The following FSTL4 variants were observed in gnomAD, a reference collection of about 807,000 sequenced individuals.
FSTL4 encodes the protein follistatin like 4.
In FSTL4, 28 loss-of-function variants were observed where a neutral mutation model predicts 78.2. The observed-to-expected ratio is 0.36, with a 90% CI of 0.27 to 0.49. The LOEUF (loss-of-function observed/expected upper bound fraction) is 0.49. Among genes scored for constraint, FSTL4 ranks in the 20% least tolerant of loss-of-function variants. The pLI is 0.98. For synonymous variants in FSTL4, 422 were observed against 440.5 expected, an observed-to-expected ratio of 0.96 and a Z score of 0.53; for missense variants, 922 against 1,084.9, an observed-to-expected ratio of 0.85 and a Z score of 2.11.
intron 6 of FSTL4, among the ~76,000 whole-genome samples, chr5:133,289,953 G>A (rs964037215): frequency 6.6e-6 from 1 of 152,216 alleles, no homozygotes; most frequent in African/African-American, 2.4e-5. Flanking sequence ...GTATTCAAAT[G>A]GGCAAAATAA....
chr5:133,325,468 T>C (rs1754187026), intron 4 of FSTL4, among the ~76,000 whole-genome samples: 1 of 151,962 alleles, frequency 6.6e-6, no homozygotes, highest in African/African-American at 2.4e-5. Flanking sequence ...ATATCCAAAA[T>C]GTACTGGAGA....
intron 2 of FSTL4, among the ~76,000 whole-genome samples, chr5:133,569,225 C>T (rs548776155): frequency 6.6e-6 from 1 of 152,256 alleles, no homozygotes; most frequent in Admixed American, 6.5e-5. Context: ...ATTATCTTAT[C>T]TCTTCTTTCC....
chr5:133,496,954 T>C (rs2562369), intron 3 of FSTL4, among the ~76,000 whole-genome samples: 45,105 of 152,054 alleles, frequency 0.3, 6,722 homozygotes, highest in East Asian at 0.39. Context: ...TAGCCAGCCC[T>C]ACCCCAATCC....
intron 4 of FSTL4, among the ~76,000 whole-genome samples, chr5:133,389,826 G>A (rs1030916371): frequency 6.6e-6 from 1 of 152,104 alleles, no homozygotes; most frequent in Non-Finnish European, 1.5e-5. Context: ...AAATACCTTG[G>A]GTTTATTATA....
At chr5:133,263,538 G>A (rs60878908) in intron 6 of FSTL4, among the ~76,000 whole-genome samples, 20,113 of 152,128 alleles carry the variant, frequency 0.13, 4,088 homozygotes, top group African/African-American at 0.44. Context: ...AGATTTGACT[G>A]TGGGCTTGGC....
At chr5:133,469,716 T>C (rs753656605) in intron 3 of FSTL4, among the ~76,000 whole-genome samples, 11 of 152,132 alleles carry the variant, frequency 7.2e-5, no homozygotes, top group Non-Finnish European at 1.0e-4. Flanking sequence ...GTAAAGATAG[T>C]GGAAGAGGCA....
chr5:133,239,486 A>T (rs1751768382), intron 7 of FSTL4, among the ~76,000 whole-genome samples: 1 of 152,238 alleles, frequency 6.6e-6, no homozygotes, highest in African/African-American at 2.4e-5. Context: ...TACACCAATC[A>T]GCACTCTGTC....
the FSTL4 span, among the ~76,000 whole-genome samples, chr5:133,650,806 T>G: frequency 2.9e-4 from 44 of 152,308 alleles, no homozygotes; most frequent in Admixed American, 2.6e-3. Context: ...GAGATCAGTT[T>G]GTCAATATCC....
At chr5:133,428,846 T>G (rs1054619242) in intron 3 of FSTL4, among the ~76,000 whole-genome samples, 1 of 152,194 alleles carries the variant, frequency 6.6e-6, no homozygotes, top group African/African-American at 2.4e-5. Flanking sequence ...CATGCAATGC[T>G]TCATTGTTAA....
chr5:133,386,731 A>C (rs918897034), intron 4 of FSTL4, among the ~76,000 whole-genome samples: 1 of 152,212 alleles, frequency 6.6e-6, no homozygotes, highest in Admixed American at 6.5e-5. Context: ...GAACCCAGGC[A>C]GAAGTGGAGA....
chr5:133,743,143 C>G, the FSTL4 span, among the ~76,000 whole-genome samples: 3 of 152,068 alleles, frequency 2.0e-5, no homozygotes, highest in Admixed American at 2.0e-4. Flanking sequence ...ACTCAGGGGG[C>G]CCTGGGCTGT....
At chr5:133,731,446 C>T in the FSTL4 span, among the ~76,000 whole-genome samples, 1 of 152,088 alleles carries the variant, frequency 6.6e-6, no homozygotes, top group African/African-American at 2.4e-5. Flanking sequence ...CAAGAGATAC[C>T]CCAAGGCCAC....
intron 3 of FSTL4, among the ~76,000 whole-genome samples, chr5:133,510,856 G>A (rs754240582): frequency 3.3e-5 from 5 of 152,038 alleles, no homozygotes; most frequent in Non-Finnish European, 4.4e-5. Flanking sequence ...TAAGGTTTCC[G>A]CTGGTTCTCT....
the FSTL4 span, among the ~76,000 whole-genome samples, chr5:133,828,996 C>T: frequency 3.3e-4 from 50 of 152,306 alleles, no homozygotes; most frequent in African/African-American, 7.5e-4. Context: ...TGGAAACACA[C>T]GGCAGAGCCT....
At chr5:133,288,157 A>G (rs1581595036) in intron 6 of FSTL4, among the ~76,000 whole-genome samples, 1 of 152,272 alleles carries the variant, frequency 6.6e-6, no homozygotes, top group Admixed American at 6.5e-5. Context: ...ATTTTAAAAA[A>G]TGATTAATGT....
chr5:133,427,572 A>G, intron 3 of FSTL4: 1 of 510,074 alleles, frequency 2.0e-6, no homozygotes, highest in South Asian at 1.4e-5. Flanking sequence ...TAGTGCACGC[A>G]ATGGCGGGGG....
In FSTL4 at chr5:133,264,483, A is replaced by G. The variant is rs543578303; in HGVS notation, c.728-14907T>C. Among the ~76,000 whole-genome samples, 19 of 152,254 alleles carry G rather than the reference A, an allele frequency of 1.2e-4. 1 individual carries two copies. The highest frequency in any genetic ancestry group is 1.2e-3 in the Admixed American group (19 of 15,304). ...GGGTGTGGCTATCACACTCTCCTGC[A>G]GACACCAGGCTTGGGGGGCTCACCT... On this transcript the variant is annotated intron_variant, in intron 6 of 15. Coordinates refer to ENST00000265342, the MANE Select transcript of FSTL4 (RefSeq NM_015082.2).
Position 133,240,666 on chromosome 5 carries a change from A to AGCGCATGACTCATCTCTTC in FSTL4, c.895-7148_895-7130dup, listed in dbSNP as rs566057117. On this transcript the variant is annotated intron_variant, in intron 7 of 15. Transcript: ENST00000265342. ...GCCAAAGGGGAGGCCCTTATCTCTTAGCGCATGACTCATCTCTTCGCGCAT... is the reference window on the plus strand; with the variant it reads ...GCCAAAGGGGAGGCCCTTATCTCTTAGCGCATGACTCATCTCTTCGCGCATGACTCATCTCTTCGCGCAT... 4.8e-3 allele frequency among the ~76,000 whole-genome samples: 726 copies of AGCGCATGACTCATCTCTTC among 152,202 alleles called. 7 individuals carry two copies. Among genetic ancestry groups the AGCGCATGACTCATCTCTTC allele is most frequent in the African/African-American group, 0.017 (702 of 41,494 alleles).
intron 4 of FSTL4, among the ~76,000 whole-genome samples, chr5:133,347,230 C>T (rs1281779485): frequency 1.3e-5 from 2 of 150,336 alleles, no homozygotes; most frequent in African/African-American, 2.5e-5. Context: ...TGTCTCTTCC[C>T]CTGGGAGGGC....
Sources: gnomAD v4.1 joint callset for allele counts (sites outside exome capture counted in the v4.1 genomes callset) on GRCh38, gnomAD v4.1.1 for gene constraint, MANE v1.5 for transcripts, NCBI Gene and HGNC (gene_info 2026-07-23, HGNC 2026-07-21) for gene names.